Variants in MYO9A observed in about 807,000 individuals in gnomAD.
The protein encoded by MYO9A is myosin IXA.
In MYO9A, 103 loss-of-function variants were observed where a neutral mutation model predicts 293.3. The ratio of observed to expected loss-of-function variants is 0.35; its 90% CI spans 0.30 to 0.41. MYO9A has a LOEUF of 0.41. MYO9A is among the 10% of genes least tolerant of loss of function. The pLI is 1.00. For synonymous variants in MYO9A, 1,001 were observed against 1,035.7 expected, an observed-to-expected ratio of 0.97 and a Z score of 0.64; for missense variants, 2,685 against 3,033.0, an observed-to-expected ratio of 0.89 and a Z score of 2.69.
chr15:72,040,179 G>C (rs1190832097), intron 2 of MYO9A: 1 of 152,602 alleles, frequency 6.6e-6, no homozygotes, highest in Non-Finnish European at 1.5e-5. Context: ...CCGTAGATAG[G>C]CCTCTAGGAA....
chr15:71,918,345 A>G (rs2058066761), intron 18 of MYO9A, among the ~76,000 whole-genome samples: 1 of 152,228 alleles, frequency 6.6e-6, no homozygotes, highest in African/African-American at 2.4e-5. Context: ...AATATACTTC[A>G]AAAAATAATG....
intron 18 of MYO9A, among the ~76,000 whole-genome samples, chr15:71,921,660 TTGAAA>T (rs754484432): frequency 7.9e-5 from 12 of 152,208 alleles, no homozygotes; most frequent in Non-Finnish European, 1.5e-4. Flanking sequence ...TAATAAAAAG[TTGAAA>T]TGAATTAAAA....
chr15:72,067,261 T>C (rs913160296), intron 1 of MYO9A, among the ~76,000 whole-genome samples: 1 of 151,486 alleles, frequency 6.6e-6, no homozygotes, highest in Admixed American at 6.6e-5. Context: ...AAAGTACAAA[T>C]ATTAGCATCT....
At chr15:72,074,135 A>G (rs975761717) in intron 1 of MYO9A, among the ~76,000 whole-genome samples, 2 of 152,218 alleles carry the variant, frequency 1.3e-5, no homozygotes, top group Non-Finnish European at 2.9e-5. Flanking sequence ...AGATTTGACT[A>G]GGTATTAATG....
intron 19 of MYO9A, among the ~76,000 whole-genome samples, chr15:71,911,563 A>C (rs1432320429): frequency 6.6e-6 from 1 of 152,186 alleles, no homozygotes; most frequent in Non-Finnish European, 1.5e-5. Flanking sequence ...CAGCTTTACC[A>C]GTAAGTTTTA....
chr15:71,852,756 G>C (rs1327146564), intron 35 of MYO9A, among the ~76,000 whole-genome samples: 1 of 152,178 alleles, frequency 6.6e-6, no homozygotes, highest in Admixed American at 6.6e-5. Flanking sequence ...GAAAGAATAC[G>C]TCTTGTGTAT....
At chr15:72,106,598 G>GA (rs1555427661) in intron 1 of MYO9A, among the ~76,000 whole-genome samples, 1 of 151,336 alleles carries the variant, frequency 6.6e-6, no homozygotes. Flanking sequence ...AAAATCAAGG[G>GA]TTTTTTTTTA....
intron 2 of MYO9A, among the ~76,000 whole-genome samples, chr15:72,034,061 G>A (rs544032984): frequency 1.6e-4 from 25 of 152,218 alleles, no homozygotes; most frequent in South Asian, 1.0e-3. Context: ...ATACACGGAC[G>A]CACGCACACA....
chr15:71,909,306 T>C (rs2057765576), intron 19 of MYO9A, among the ~76,000 whole-genome samples: 1 of 152,224 alleles, frequency 6.6e-6, no homozygotes, highest in African/African-American at 2.4e-5. Context: ...GGTAAAAATA[T>C]AGTTTATAAG....
chr15:71,897,550 C>T lies in MYO9A; in HGVS notation c.4953G>A (p.Gln1651=), dbSNP rs765753385. Reference sequence around the variant, plus strand: ...GGTCATCAGAATTGTGGCTGTAAGACTGAGTTGGCCTAAAGTGTTCTCTTT... The same window carrying T: ...GGTCATCAGAATTGTGGCTGTAAGATTGAGTTGGCCTAAAGTGTTCTCTTT... ...ISKREHFRPT[Q]SYSHNSDDLS... The change falls in exon 25 of 42, where the codon CAG becomes CAA. Residue 1651 remains glutamine (Q), a synonymous_variant. Coordinates refer to ENST00000356056, the MANE Select transcript of MYO9A (RefSeq NM_006901.4). 5.0e-6 allele frequency: 8 copies of T among 1,614,152 alleles called. No homozygotes were observed. The highest frequency in any genetic ancestry group is 3.3e-5 in the Admixed American group (2 of 60,018).
intron 15 of MYO9A, among the ~76,000 whole-genome samples, chr15:71,943,737 A>C (rs2058838847): frequency 6.6e-6 from 1 of 152,130 alleles, no homozygotes. Flanking sequence ...TGCTCTCCAC[A>C]CAGATTGGCT....
chr15:71,896,882 C>G (rs1478252137), intron 25 of MYO9A: 3 of 151,854 alleles, frequency 2.0e-5, no homozygotes, highest in Non-Finnish European at 2.9e-5. Context: ...CAAGGAAAAG[C>G]AGAGTTGTTC....
At chr15:71,980,252 T>A (rs958692076) in intron 11 of MYO9A, among the ~76,000 whole-genome samples, 1 of 152,188 alleles carries the variant, frequency 6.6e-6, no homozygotes, top group Non-Finnish European at 1.5e-5. Flanking sequence ...TATCTTTGAG[T>A]GAAAACACAG....
intron 5 of MYO9A, 105 bp from the exon 6 acceptor site, chr15:72,019,200 G>T: frequency 1.1e-6 from 1 of 924,022 alleles, no homozygotes; most frequent in Non-Finnish European, 1.8e-6. Flanking sequence ...CCATTGAAAA[G>T]TTATTTTGCA....
chr15:71,917,918 A>C (rs937732184), intron 18 of MYO9A, among the ~76,000 whole-genome samples: 13 of 152,202 alleles, frequency 8.5e-5, no homozygotes, highest in African/African-American at 3.1e-4. Context: ...ACACATGTAA[A>C]CAATCTGAAT....
chr15:72,066,271 G>A (rs1437365235), intron 1 of MYO9A, among the ~76,000 whole-genome samples: 5 of 152,200 alleles, frequency 3.3e-5, no homozygotes, highest in South Asian at 2.1e-4. Context: ...GGTGGATCAC[G>A]AGGTCAAGAG....
At position 71,989,899 on chromosome 15, in the gene MYO9A, G is replaced by A. The variant is rs995432809; in HGVS notation, c.1722+1204C>T. The stretch of plus-strand genomic sequence containing the variant: ...ACAAAAATTAGTTGGGTGTGGTGAC[G>A]TGCACCTGTGGTCCCAGCTCTTGAG... On this transcript the variant is annotated intron_variant, in intron 11 of 41. Transcript: ENST00000356056. 4.0e-5 allele frequency among the ~76,000 whole-genome samples: 6 copies of A among 151,784 alleles called. No homozygotes were observed. The East Asian group carries it at 7.7e-4, about 20-fold the overall frequency.
intron 38 of MYO9A, 104 bp downstream of exon 38, chr15:71,849,932 C>A: frequency 1.1e-6 from 1 of 938,112 alleles, no homozygotes; most frequent in Non-Finnish European, 1.5e-6. Context: ...TTCTTAAAAA[C>A]ACCTGAATTT....
At chr15:71,942,266 A>T (rs1255202297) in intron 15 of MYO9A, among the ~76,000 whole-genome samples, 1 of 152,098 alleles carries the variant, frequency 6.6e-6, no homozygotes, top group Non-Finnish European at 1.5e-5. Context: ...ACTGACTTAT[A>T]GTAATAAATC....
Sources: allele counts gnomAD v4.1 joint callset (sites outside exome capture counted in the v4.1 genomes callset), GRCh38; gene constraint gnomAD v4.1.1; transcripts MANE v1.5; gene names NCBI Gene and HGNC (gene_info 2026-07-23, HGNC 2026-07-21).